DYNC1H1: variants seen among roughly 807,000 people sequenced by gnomAD.
DYNC1H1 encodes dynein cytoplasmic 1 heavy chain 1, also known as cytoplasmic dynein 1 heavy chain 1.
Under a neutral mutation model 527.1 loss-of-function variants are expected in DYNC1H1, and 51 were observed. That is an observed-to-expected ratio of 0.10 (90% CI 0.08 to 0.12). DYNC1H1 has a LOEUF of 0.12. DYNC1H1 is among the 10% of genes least tolerant of loss of function. DYNC1H1 has a pLI of 1.00. For synonymous variants in DYNC1H1, 2,189 were observed against 2,278.8 expected, an observed-to-expected ratio of 0.96 and a Z score of 1.12; for missense variants, 2,771 against 5,971.8, an observed-to-expected ratio of 0.46 and a Z score of 17.66.
rs138034204 is a variant in DYNC1H1, at chr14:101,967,909, A to C, written c.256+2962A>C. ...ACTCATCTTGATACTGAGGAATTGG[A>C]GAGTTTGTGGGAAAAAGGGATTAAG... is the stretch of plus-strand genomic sequence containing the variant. On this transcript the variant is annotated intron_variant, in intron 1 of 77. Transcript: ENST00000360184. 2.4e-4 allele frequency among the ~76,000 whole-genome samples: 36 copies of C among 152,336 alleles called. No homozygotes were observed. The East Asian group carries it at 6.7e-3, about 29-fold the overall frequency.
At position 102,041,840 on chromosome 14, in the gene DYNC1H1, C is replaced by A; in HGVS notation, c.12102+106C>A. On this transcript the variant is annotated intron_variant, in intron 65 of 77. Transcript: ENST00000360184. The surrounding 1 kb of genome is among the most constrained non-coding windows in gnomAD (Gnocchi z 4.5). ...CTGCTCTCACTCCGGGCTACAGTCTCCTCCTAAGACCAGGAACTCGCTGCA... is the reference window on the plus strand; with the variant it reads ...CTGCTCTCACTCCGGGCTACAGTCTACTCCTAAGACCAGGAACTCGCTGCA... The A allele has an allele frequency of 6.4e-7, 1 of 1,568,638 alleles. No individual in the cohort carries two copies. The highest frequency in any genetic ancestry group is 2.3e-5 in the East Asian group (1 of 43,908).
Position 102,053,019 on chromosome 14 carries a change from T to A in DYNC1H1, c.*2456T>A, listed in dbSNP as rs1358146718. On this transcript the variant is annotated 3_prime_UTR_variant, in exon 78 of 78. Coordinates refer to ENST00000360184, the MANE Select transcript of DYNC1H1 (RefSeq NM_001376.5). ...TCTAAAAGCTGAGGACAAAAGTGTT[T>A]CTCAGTCCAAGAGCAGTTCTGCGAG... is the stretch of plus-strand genomic sequence containing the variant. The A allele has an allele frequency of 6.6e-6, 1 of 152,176 alleles. No homozygotes were observed. Among genetic ancestry groups the A allele is most frequent in the African/African-American group, 2.4e-5 (1 of 41,428 alleles). The allele number at this position is 152,176 out of a possible 1,614,324, so 9.4% of individuals were successfully genotyped here.
intron 42 of DYNC1H1, among the ~76,000 whole-genome samples, chr14:102,021,467 T>C (rs1162231208): frequency 6.6e-5 from 10 of 152,084 alleles, no homozygotes; most frequent in Admixed American, 6.5e-4. Context: ...CAAATTCAGA[T>C]TGGCTTCAGT....
In DYNC1H1 at chr14:102,017,174, T is replaced by C. The variant is rs1027317809; in HGVS notation, c.7935T>C (p.Pro2645=). The change falls in exon 39 of 78, where the codon CCT becomes CCC. Residue 2645 remains proline, a synonymous_variant. Coordinates refer to ENST00000360184, the MANE Select transcript of DYNC1H1 (RefSeq NM_001376.5). The surrounding 1 kb of genome is among the most constrained non-coding windows in gnomAD (Gnocchi z 4.6). ...FDHYCEYRRT[P]NGVVLAPVQL... ...ACTACTGCGAGTACAGGCGCACACC[T>C]AATGGGGTGGTTTTGGCTCCTGTTC... The C allele has an allele frequency of 3.1e-6, 5 of 1,614,250 alleles. No individual in the cohort carries two copies. In the Admixed American group the frequency reaches 6.7e-5, roughly 22 times the overall value.
chr14:102,024,649 T>G (rs2048426702), intron 43 of DYNC1H1, among the ~76,000 whole-genome samples: 1 of 151,920 alleles, frequency 6.6e-6, no homozygotes, highest in Admixed American at 6.6e-5. Context: ...TCTTTTTCAT[T>G]TACAGGAAAC....
intron 11 of DYNC1H1, 81 bp downstream of exon 11, chr14:101,991,754 C>T: frequency 6.3e-7 from 1 of 1,577,934 alleles, no homozygotes; most frequent in East Asian, 2.2e-5. Flanking sequence ...CATGGTGCTT[C>T]TTTAGATAAG....
At position 101,979,590 on chromosome 14, in the gene DYNC1H1, A is replaced by C; in HGVS notation, c.518+98A>C. On this transcript the variant is annotated intron_variant, in intron 3 of 77. Transcript: ENST00000360184. This position sits in a 1 kb window ranked among gnomAD's most constrained non-coding sequence, Gnocchi z 4.6. ...GGGAATTGGGAGGGTAACGCTAGTG[A>C]GCCGAGGGGATATAAACCCTGTGTA... The C allele has an allele frequency of 6.2e-7, 1 of 1,605,942 alleles. No homozygotes were observed. Among genetic ancestry groups the C allele is most frequent in the Non-Finnish European group, 8.5e-7 (1 of 1,173,948 alleles).
chr14:101,992,657 T>G (rs1455080384), intron 11 of DYNC1H1, among the ~76,000 whole-genome samples: 2 of 152,112 alleles, frequency 1.3e-5, no homozygotes, highest in Admixed American at 1.3e-4. Flanking sequence ...ATAAGGAAGC[T>G]CCCTTCTCAG....
Position 102,001,750 on chromosome 14 carries a change from A to G in DYNC1H1, c.4542+69A>G, listed in dbSNP as rs913030045. On this transcript the variant is annotated intron_variant, in intron 21 of 77. Transcript: ENST00000360184. The surrounding 1 kb of genome is among the most constrained non-coding windows in gnomAD (Gnocchi z 5.0). ...CACGCTTTCACTGTAATGCCTTTTC[A>G]CTGACAGTTACTAGGTACCTGTTTT... The G allele has an allele frequency of 1.3e-6, 2 of 1,598,156 alleles. No individual in the cohort carries two copies. Among genetic ancestry groups the G allele is most frequent in the Non-Finnish European group, 1.7e-6 (2 of 1,167,964 alleles).
At position 102,012,846 on chromosome 14, in the gene DYNC1H1, A is replaced by G. The variant is rs1237430266; in HGVS notation, c.7014+376A>G. The G allele has an allele frequency of 2.8e-6, 1 of 351,882 alleles. No homozygotes were observed. The highest frequency in any genetic ancestry group is 5.5e-6 in the Non-Finnish European group (1 of 183,050). The allele number at this position is 351,882 out of a possible 1,614,324, so 21.8% of individuals were successfully genotyped here. On this transcript the variant is annotated intron_variant, in intron 34 of 77. Coordinates refer to ENST00000360184, the MANE Select transcript of DYNC1H1 (RefSeq NM_001376.5). This position sits in a 1 kb window ranked among gnomAD's most constrained non-coding sequence, Gnocchi z 4.9. ...AGGCTGTCCCTTGGAAAATGAGTGC[A>G]TGATGCAGGTGCCTGACAACACCTA...
In DYNC1H1 at chr14:102,033,945, C is replaced by A. The variant is rs139493628; in HGVS notation, c.10414-31C>A. 2,167 of 1,610,812 alleles carry A rather than the reference C, an allele frequency of 1.3e-3. 16 individuals are homozygous for A. The East Asian group carries it at 0.024, about 18-fold the overall frequency. On this transcript the variant is annotated intron_variant, in intron 54 of 77. Transcript: ENST00000360184. This position sits in a 1 kb window ranked among gnomAD's most constrained non-coding sequence, Gnocchi z 5.6. ...CGGTATAAATCCTGAAAGGCCTCAT[C>A]CCTGAGCATCTTGTTCGGTTTTCCT...
chr14:101,969,768 G>A (rs1482356370), intron 1 of DYNC1H1, among the ~76,000 whole-genome samples: 2 of 152,248 alleles, frequency 1.3e-5, no homozygotes. Context: ...AATGTGCAGT[G>A]TAGCATAGTA....
intron 23 of DYNC1H1, among the ~76,000 whole-genome samples, chr14:102,003,684 C>T (rs1013563431): frequency 6.6e-6 from 1 of 151,622 alleles, no homozygotes; most frequent in Non-Finnish European, 1.5e-5. Flanking sequence ...AATCCCAGCA[C>T]TTTGGGAGGC....
chr14:102,025,565 GA>G (rs3067914), intron 43 of DYNC1H1, among the ~76,000 whole-genome samples: 63,916 of 102,464 alleles, frequency 0.62, 17,584 homozygotes, highest in Middle Eastern at 0.71. Context: ...CTGTCTCAAG[GA>G]AAAAAAAAAA....
In DYNC1H1 at chr14:102,038,349, G is replaced by C; in HGVS notation, c.10909-111G>C. The C allele has an allele frequency of 6.6e-7, 1 of 1,521,090 alleles. No homozygotes were observed. The highest frequency in any genetic ancestry group is 8.8e-7 in the Non-Finnish European group (1 of 1,130,558). The allele number at this position is 1,521,090 out of a possible 1,614,324, so 94.2% of individuals were successfully genotyped here. ...CTAGTGGCCACCACACGCAAGTGGC[G>C]GGTGGCTTTTGGGAAGGTATGCTTA... is the stretch of plus-strand genomic sequence containing the variant. On this transcript the variant is annotated intron_variant, in intron 57 of 77. Transcript: ENST00000360184. This position sits in a 1 kb window ranked among gnomAD's most constrained non-coding sequence, Gnocchi z 7.2.
At chr14:101,977,954 T>C (rs2047820577) in intron 2 of DYNC1H1, among the ~76,000 whole-genome samples, 1 of 152,248 alleles carries the variant, frequency 6.6e-6, no homozygotes, top group African/African-American at 2.4e-5. Flanking sequence ...TGGGGCAATC[T>C]TAGCTCACTG....
At chr14:102,014,903 C>G (rs868429020) in intron 34 of DYNC1H1, among the ~76,000 whole-genome samples, 1 of 152,162 alleles carries the variant, frequency 6.6e-6, no homozygotes, top group Non-Finnish European at 1.5e-5. Flanking sequence ...GCAGCCTCCA[C>G]CTCCCAGGCT....
At position 101,981,079 on chromosome 14, in the gene DYNC1H1, G is replaced by GT. The variant is rs544076504; in HGVS notation, c.961+535dup. Among the ~76,000 whole-genome samples the GT allele has an allele frequency of 2.8e-4, 43 of 151,976 alleles. No homozygotes were observed. The South Asian group carries it at 8.7e-3, about 31-fold the overall frequency. On this transcript the variant is annotated intron_variant, in intron 5 of 77. Coordinates refer to ENST00000360184, the MANE Select transcript of DYNC1H1 (RefSeq NM_001376.5). ...AGTGGAGAACAGTGCCAGTGATGTT[G>GT]TTTTTTGTTTTGTTTTGTTTTGTTT...
At chr14:102,050,047 T>C in intron 76 of DYNC1H1, 24 bp from the exon 77 acceptor site, 1 of 1,529,250 alleles carries the variant, frequency 6.5e-7, no homozygotes, top group Non-Finnish European at 8.8e-7. Context: ...CACCTCAGCC[T>C]GGGTTTTGGC....
Sources: gnomAD v4.1 joint callset for allele counts (sites outside exome capture counted in the v4.1 genomes callset) on GRCh38, gnomAD v4.1.1 for gene constraint, Gnocchi (gnomAD v3.1) non-coding constraint, MANE v1.5 for transcripts, NCBI Gene and HGNC (gene_info 2026-07-23, HGNC 2026-07-21) for gene names.